Variants in ELP3 observed in about 807,000 individuals in gnomAD.
ELP3 encodes elongator complex protein 3.
A neutral mutation model predicts 74.9 loss-of-function variants in ELP3; 56 were observed. The ratio of observed to expected loss-of-function variants is 0.75; its 90% CI spans 0.60 to 0.93. The LOEUF (loss-of-function observed/expected upper bound fraction) is 0.93. Among genes scored for constraint, ELP3 ranks in the 40% least tolerant of loss-of-function variants. ELP3 has a pLI of 0.00. For missense variants in ELP3, 573 were observed against 686.5 expected (o/e 0.83, Z 1.85); for synonymous variants, 222 against 239.8 (o/e 0.93, Z 0.68).
chr8:28,187,375 G>T (rs1028207599), intron 14 of ELP3, among the ~76,000 whole-genome samples: 27 of 152,276 alleles, frequency 1.8e-4, no homozygotes, highest in Admixed American at 5.2e-4. Flanking sequence ...CTGGGTACTG[G>T]CAGCTCTACA....
In ELP3 at chr8:28,190,860, T is replaced by C. The variant is rs534854332; in HGVS notation, c.*1135T>C. 1.3e-5 allele frequency: 2 copies of C among 152,322 alleles called. No homozygotes were observed. The highest frequency in any genetic ancestry group is 3.9e-4 in the East Asian group (2 of 5,182). The allele number at this position is 152,322 out of a possible 1,614,324, so 9.4% of individuals were successfully genotyped here. On this transcript the variant is annotated 3_prime_UTR_variant, in exon 15 of 15. Transcript: ENST00000256398. ...AGGCATGAGCCACCGCTCCCAGCCT[T>C]TGATTTTTTAAGGTGGATTTTGGTT...
chr8:28,126,987 T>C (rs1360424835), intron 7 of ELP3, among the ~76,000 whole-genome samples: 1 of 152,232 alleles, frequency 6.6e-6, no homozygotes, highest in Non-Finnish European at 1.5e-5. Context: ...AGAGGAAATA[T>C]AGTGAAAGCC....
At chr8:28,137,277 A>AT (rs889813155) in intron 9 of ELP3, among the ~76,000 whole-genome samples, 20 of 152,170 alleles carry the variant, frequency 1.3e-4, no homozygotes, top group Admixed American at 2.6e-4. Context: ...GTTCAGTGGG[A>AT]TTTTTTTTAA....
rs1165055242 is a variant in ELP3, at chr8:28,161,983, G to A, written c.1486-14G>A. ...TCCTTTTTAATTCCCACTCCCCATT[G>A]TTGCTCCGTGCAGGGATTTGGCATG... is the stretch of plus-strand genomic sequence containing the variant. On this transcript the variant is annotated splice_polypyrimidine_tract_variant and intron_variant, in intron 13 of 14. Coordinates refer to ENST00000256398, the MANE Select transcript of ELP3 (RefSeq NM_018091.6). The A allele has an allele frequency of 6.2e-7, 1 of 1,613,768 alleles. No individual in the cohort carries two copies. The highest frequency in any genetic ancestry group is 8.5e-7 in the Non-Finnish European group (1 of 1,179,772).
upstream of ELP3, chr8:28,093,045 A>C: frequency 8.9e-7 from 1 of 1,119,448 alleles, no homozygotes; most frequent in South Asian, 1.3e-5. Flanking sequence ...GTTAGTTGCA[A>C]CACGGGGCGG....
chr8:28,147,151 A>G lies in ELP3; in HGVS notation c.1101-8791A>G, dbSNP rs1813466123. Among the ~76,000 whole-genome samples the G allele has an allele frequency of 6.6e-6, 1 of 152,238 alleles. No individual in the cohort carries two copies. The highest frequency in any genetic ancestry group is 2.4e-5 in the African/African-American group (1 of 41,468). On this transcript the variant is annotated intron_variant, in intron 10 of 14. Coordinates refer to ENST00000256398, the MANE Select transcript of ELP3 (RefSeq NM_018091.6). The surrounding 1 kb of genome is among the most constrained non-coding windows in gnomAD (Gnocchi z 4.5). ...GTCTTTTTATCATACAGTTCTGCTT[A>G]CCAACACTGTATGTAAAACCTTCCC...
chr8:28,146,321 A>G (rs751378129), intron 10 of ELP3, among the ~76,000 whole-genome samples: 1 of 152,222 alleles, frequency 6.6e-6, no homozygotes, highest in Non-Finnish European at 1.5e-5. Flanking sequence ...TTAAATCATC[A>G]TGAAACATTA....
chr8:28,099,234 A>G (rs1811374172), intron 2 of ELP3, among the ~76,000 whole-genome samples: 1 of 152,130 alleles, frequency 6.6e-6, no homozygotes, highest in Non-Finnish European at 1.5e-5. Flanking sequence ...AAAAATATGT[A>G]CTTTATTTCC....
chr8:28,113,267 C>T (rs1811993001), intron 7 of ELP3, 94 bp downstream of exon 7: 3 of 845,040 alleles, frequency 3.6e-6, no homozygotes, highest in East Asian at 3.0e-5. Context: ...CCTGCATCCA[C>T]ATTCTTACTT....
At chr8:28,099,046 A>T (rs761709715) in intron 2 of ELP3, among the ~76,000 whole-genome samples, 1 of 152,248 alleles carries the variant, frequency 6.6e-6, no homozygotes, top group Non-Finnish European at 1.5e-5. Context: ...ACATTTGAAC[A>T]TAGCAGGTAT....
chr8:28,160,459 A>G lies in ELP3; in HGVS notation c.1485+3A>G. 1.2e-6 allele frequency: 2 copies of G among 1,612,546 alleles called. No individual in the cohort carries two copies. Among genetic ancestry groups the G allele is most frequent in the Non-Finnish European group, 1.7e-6 (2 of 1,179,196 alleles). On this transcript the variant is annotated splice_donor_region_variant and intron_variant, in intron 13 of 14. Coordinates refer to ENST00000256398, the MANE Select transcript of ELP3 (RefSeq NM_018091.6). ...ATCCTACTAAATTTCAGCATCAGGT[A>G]TCCTGTATTCCATTTCTATTTGACT...
intron 14 of ELP3, among the ~76,000 whole-genome samples, chr8:28,182,347 G>A (rs921258714): frequency 1.3e-5 from 2 of 152,146 alleles, no homozygotes; most frequent in Non-Finnish European, 2.9e-5. Flanking sequence ...ATTGCCTGAG[G>A]TCAGGAGTTC....
rs1215630260 is a variant in ELP3, at chr8:28,140,112, TTTTGTG to T, written c.1100+2223_1100+2228del. On this transcript the variant is annotated intron_variant, in intron 10 of 14. Coordinates refer to ENST00000256398, the MANE Select transcript of ELP3 (RefSeq NM_018091.6). ...GGATACCGAGGGACAACTGTACATA[TTTTGTG>T]TGTGTGTGTGTGTGTGTGTGTGTGT... Among the ~76,000 whole-genome samples the T allele has an allele frequency of 8.4e-4, 102 of 121,610 alleles. 1 individual carries two copies. The East Asian group carries it at 0.026, about 31-fold the overall frequency. 79.8% of individuals were successfully genotyped at this position (121,610 alleles called of 152,430 possible).
At chr8:28,162,719 A>G (rs1436778697) in intron 14 of ELP3, among the ~76,000 whole-genome samples, 2 of 152,222 alleles carry the variant, frequency 1.3e-5, no homozygotes, top group Non-Finnish European at 2.9e-5. Context: ...TAAAGACCCA[A>G]AGAAATGGCT....
intron 7 of ELP3, among the ~76,000 whole-genome samples, chr8:28,115,395 C>G (rs115325702): frequency 1.1e-3 from 168 of 152,180 alleles, no homozygotes; most frequent in African/African-American, 3.8e-3. Flanking sequence ...TTTGTGTGTT[C>G]ATGCACATAC....
intron 14 of ELP3, among the ~76,000 whole-genome samples, chr8:28,185,440 A>C (rs1453292013): frequency 6.6e-6 from 1 of 152,250 alleles, no homozygotes; most frequent in African/African-American, 2.4e-5. Context: ...CATTTATTGC[A>C]TCTTGATTAT....
At chr8:28,143,681 T>C (rs1349694180) in intron 10 of ELP3, among the ~76,000 whole-genome samples, 1 of 152,212 alleles carries the variant, frequency 6.6e-6, no homozygotes, top group African/African-American at 2.4e-5. Context: ...CTTTGCTTTC[T>C]TCTTCCTTTT....
intron 7 of ELP3, among the ~76,000 whole-genome samples, chr8:28,126,724 G>C (rs1812591476): frequency 6.6e-6 from 1 of 152,140 alleles, no homozygotes; most frequent in Non-Finnish European, 1.5e-5. Flanking sequence ...ATTAATACCA[G>C]GCCATAAAGT....
intron 10 of ELP3, among the ~76,000 whole-genome samples, chr8:28,139,061 G>A (rs547100293): frequency 1.3e-5 from 2 of 152,286 alleles, no homozygotes; most frequent in Non-Finnish European, 2.9e-5. Flanking sequence ...AGAGCAGGGT[G>A]AGAAGGTCAC....
Sources: gnomAD v4.1 joint callset for allele counts (sites outside exome capture counted in the v4.1 genomes callset) on GRCh38, gnomAD v4.1.1 for gene constraint, Gnocchi (gnomAD v3.1) non-coding constraint, MANE v1.5 for transcripts, NCBI Gene and HGNC (gene_info 2026-07-23, HGNC 2026-07-21) for gene names.